Variants in CACNB4 observed in about 807,000 individuals in gnomAD.
CACNB4 encodes the protein voltage-dependent L-type calcium channel subunit beta-4.
Under a neutral mutation model 71.2 loss-of-function variants are expected in CACNB4, and 32 were observed. That is an observed-to-expected ratio of 0.45 (90% CI 0.34 to 0.60). CACNB4 has a LOEUF of 0.60. Ranked by LOEUF, CACNB4 falls within the 20% of genes least tolerant of loss-of-function variation. CACNB4 has a pLI of 0.01. For synonymous variants in CACNB4, 231 were observed against 236.9 expected, an observed-to-expected ratio of 0.97 and a Z score of 0.23; for missense variants, 464 against 647.9, an observed-to-expected ratio of 0.72 and a Z score of 3.08.
chr2:152,069,652 A>G (rs951460291), intron 2 of CACNB4, among the ~76,000 whole-genome samples: 1 of 152,058 alleles, frequency 6.6e-6, no homozygotes, highest in Admixed American at 6.6e-5. Flanking sequence ...AAAAGTTTTA[A>G]CAGATATATA....
intron 2 of CACNB4, among the ~76,000 whole-genome samples, chr2:152,080,161 G>A (rs1246805147): frequency 2.0e-5 from 3 of 150,846 alleles, no homozygotes; most frequent in Non-Finnish European, 2.9e-5. Flanking sequence ...TCGCTCTGTC[G>A]CCCAGGCTGG....
In CACNB4 at chr2:151,968,882, A is replaced by G. The variant is rs569672776; in HGVS notation, c.148-85512T>C. On this transcript the variant is annotated intron_variant, in intron 2 of 13. Coordinates refer to ENST00000539935, the MANE Select transcript of CACNB4 (RefSeq NM_000726.5). ...TTGCCTCTGTGACTCAAAAATAGAA[A>G]ATTAACAAGAAAGCAGCAAGATTGA... is the stretch of plus-strand genomic sequence containing the variant. The G allele has an allele frequency of 2.6e-5, 4 of 152,358 alleles. No homozygotes were observed. The East Asian group carries it at 7.7e-4, about 29-fold the overall frequency. The allele number at this position is 152,358 out of a possible 1,614,324, so 9.4% of individuals were successfully genotyped here.
intron 2 of CACNB4, among the ~76,000 whole-genome samples, chr2:152,045,620 A>T (rs200719811): frequency 0.026 from 220 of 8,406 alleles, 2 homozygotes; most frequent in African/African-American, 0.074. Context: ...CCACATTTTA[A>T]AAAAAAAAAG....
intron 2 of CACNB4, among the ~76,000 whole-genome samples, chr2:151,885,058 C>CT (rs941725464): frequency 2.0e-5 from 3 of 152,196 alleles, no homozygotes; most frequent in Non-Finnish European, 2.9e-5. Context: ...AACTTTGTCT[C>CT]TCAGTAGAGG....
intron 2 of CACNB4, among the ~76,000 whole-genome samples, chr2:151,943,409 C>T (rs937019204): frequency 6.6e-6 from 1 of 152,116 alleles, no homozygotes; most frequent in Non-Finnish European, 1.5e-5. Context: ...TGGAAGAGAA[C>T]ACTCACACAT....
intron 2 of CACNB4, among the ~76,000 whole-genome samples, chr2:152,013,448 TGACAGA>T (rs1269525696): frequency 3.3e-5 from 5 of 152,252 alleles, no homozygotes; most frequent in South Asian, 4.1e-4. Flanking sequence ...GAAATGCCCA[TGACAGA>T]GAGTACTAGG....
chr2:151,849,013 A>AC (rs1219401894), intron 12 of CACNB4, among the ~76,000 whole-genome samples: 1 of 152,214 alleles, frequency 6.6e-6, no homozygotes, highest in East Asian at 1.9e-4. Context: ...ATTAAAAAAA[A>AC]AATGAGATGG....
At chr2:151,953,458 G>A (rs1402689820) in intron 2 of CACNB4, among the ~76,000 whole-genome samples, 1 of 152,132 alleles carries the variant, frequency 6.6e-6, no homozygotes, top group Non-Finnish European at 1.5e-5. Context: ...TTCAAATCCT[G>A]GCTTGTCTTC....
intron 2 of CACNB4, among the ~76,000 whole-genome samples, chr2:151,960,664 T>C (rs1164025706): frequency 6.6e-6 from 1 of 152,202 alleles, no homozygotes; most frequent in Non-Finnish European, 1.5e-5. Context: ...CTTGGCCAAC[T>C]GGTCCACCAG....
intron 2 of CACNB4, among the ~76,000 whole-genome samples, chr2:151,982,748 A>G (rs978130728): frequency 6.6e-6 from 1 of 152,194 alleles, no homozygotes; most frequent in Non-Finnish European, 1.5e-5. Flanking sequence ...AAAAGTTAAT[A>G]GGATAAAGAA....
In CACNB4 at chr2:151,895,096, C is replaced by CACA. The variant is rs1559950684; in HGVS notation, c.148-11727_148-11726insTGT. ...ATATGGAACCAGAACTCAAATAGCCCCACACACACACACACACACACACAC... is the reference window on the plus strand; with the variant it reads ...ATATGGAACCAGAACTCAAATAGCCCACACACACACACACACACACACACACAC... On this transcript the variant is annotated intron_variant, in intron 2 of 13. Coordinates refer to ENST00000539935, the MANE Select transcript of CACNB4 (RefSeq NM_000726.5). Among the ~76,000 whole-genome samples, 89 of 22,338 alleles carry CACA rather than the reference C, an allele frequency of 4.0e-3. 5 individuals are homozygous for CACA. Among genetic ancestry groups the CACA allele is most frequent in the Admixed American group, 5.0e-3 (6 of 1,190 alleles). The allele number at this position is 22,338 out of a possible 152,430, so 14.7% of individuals were successfully genotyped here.
At chr2:152,017,762 C>T (rs1012343432) in intron 2 of CACNB4, among the ~76,000 whole-genome samples, 6 of 151,694 alleles carry the variant, frequency 4.0e-5, no homozygotes, top group African/African-American at 1.2e-4. Context: ...AACAATAAAG[C>T]TCTCATATAC....
rs1188244529 is a variant in CACNB4, at chr2:151,839,114, T to C, written c.*5A>G. 1 of 1,603,482 alleles carries C rather than the reference T, an allele frequency of 6.2e-7. No homozygotes were observed. Among genetic ancestry groups the C allele is most frequent in the Admixed American group, 1.7e-5 (1 of 58,988 alleles). ...AACAGATGAATATTTTTTGTTTCAT[T>C]AGACTCAAAGCCTATGTCGGGAGTC... is the stretch of plus-strand genomic sequence containing the variant. On this transcript the variant is annotated 3_prime_UTR_variant, in exon 14 of 14. Coordinates refer to ENST00000539935, the MANE Select transcript of CACNB4 (RefSeq NM_000726.5).
At chr2:152,055,767 A>G (rs1211589175) in intron 2 of CACNB4, among the ~76,000 whole-genome samples, 1 of 152,232 alleles carries the variant, frequency 6.6e-6, no homozygotes, top group Non-Finnish European at 1.5e-5. Context: ...TATTGCCAAG[A>G]CAAATAACTT....
At chr2:151,974,639 T>G (rs1278433049) in intron 2 of CACNB4, among the ~76,000 whole-genome samples, 1 of 152,164 alleles carries the variant, frequency 6.6e-6, no homozygotes, top group South Asian at 2.1e-4. Flanking sequence ...CCCCTTCCCA[T>G]GCACAAATCT....
chr2:151,914,234 G>A (rs2099856930), intron 2 of CACNB4, among the ~76,000 whole-genome samples: 1 of 152,018 alleles, frequency 6.6e-6, no homozygotes, highest in South Asian at 2.1e-4. Context: ...TTCAAATTCT[G>A]ATATCCTTTT....
chr2:152,044,412 GT>G (rs1414722783), intron 2 of CACNB4, among the ~76,000 whole-genome samples: 5 of 152,074 alleles, frequency 3.3e-5, no homozygotes. Context: ...TAGAGATGGG[GT>G]TTCACCATGT....
At chr2:152,047,860 C>G (rs1290152347) in intron 2 of CACNB4, among the ~76,000 whole-genome samples, 3 of 152,214 alleles carry the variant, frequency 2.0e-5, no homozygotes, top group Admixed American at 2.0e-4. Flanking sequence ...GATTGAGCCA[C>G]TCCACTCCAG....
intron 2 of CACNB4, among the ~76,000 whole-genome samples, chr2:152,025,570 T>G (rs1021526952): frequency 6.6e-6 from 1 of 152,188 alleles, no homozygotes; most frequent in African/African-American, 2.4e-5. Flanking sequence ...GGGGCCAGAT[T>G]AAATAAAAAA....
Sources: gnomAD v4.1 joint callset for allele counts (sites outside exome capture counted in the v4.1 genomes callset) on GRCh38, gnomAD v4.1.1 for gene constraint, MANE v1.5 for transcripts, NCBI Gene and HGNC (gene_info 2026-07-23, HGNC 2026-07-21) for gene names.